The following ABCA13 variants were observed in gnomAD, a reference collection of about 807,000 sequenced individuals.
The protein encoded by ABCA13 is ATP binding cassette subfamily A member 13.
A neutral mutation model predicts 478.7 loss-of-function variants in ABCA13; 476 were observed. The ratio of observed to expected loss-of-function variants is 0.99; its 90% CI spans 0.92 to 1.07. The LOEUF is 1.07. Among genes scored for constraint, ABCA13 ranks in the 50% least tolerant of loss-of-function variants. ABCA13 has a pLI of 0.00. For synonymous variants in ABCA13, 2,252 were observed against 2,158.9 expected (o/e 1.04, Z -1.20); for missense variants, 6,060 against 5,910.6 (o/e 1.03, Z -0.83).
chr7:48,487,314 A>AAAC (rs1829409220), intron 47 of ABCA13, among the ~76,000 whole-genome samples: 3 of 128,202 alleles, frequency 2.3e-5, no homozygotes, highest in Admixed American at 7.5e-5. Flanking sequence ...GTCTCAAAAA[A>AAAC]AAAACAAAAC....
chr7:48,320,092 G>T (rs1035467352), intron 27 of ABCA13, among the ~76,000 whole-genome samples: 1 of 152,152 alleles, frequency 6.6e-6, no homozygotes, highest in African/African-American at 2.4e-5. Context: ...TCTAGAGAGT[G>T]TTAAAAGGTA....
chr7:48,382,112 T>C (rs1320084985), intron 35 of ABCA13, among the ~76,000 whole-genome samples: 1 of 152,230 alleles, frequency 6.6e-6, no homozygotes, highest in Non-Finnish European at 1.5e-5. Flanking sequence ...CGTTTGTTTC[T>C]ACTTCCCATC....
rs780039078 is a variant in ABCA13, at chr7:48,387,935, T to C, written c.11449T>C (p.Phe3817Leu). The C allele has an allele frequency of 6.2e-7, 1 of 1,611,828 alleles. No homozygotes were observed. Among genetic ancestry groups the C allele is most frequent in the Non-Finnish European group, 8.5e-7 (1 of 1,179,128 alleles). The change falls in exon 36 of 62, where the codon TTC becomes CTC. Residue 3817 changes from phenylalanine to leucine, a missense_variant. Transcript: ENST00000435803. ...CTTTCTAAGTTCTAGTCTGTTCTTC[T>C]TCAATGAGAACTTTGACAATAAAGG... ...QYFLSSSLFF[F>L]NENFDNKGSS...
intron 7 of ABCA13, among the ~76,000 whole-genome samples, chr7:48,233,033 A>G (rs537448782): frequency 3.3e-5 from 5 of 152,348 alleles, no homozygotes; most frequent in African/African-American, 1.2e-4. Flanking sequence ...TCAGACACCA[A>G]TCTTTTTTCC....
chr7:48,630,919 A>AT (rs1302534969), intron 59 of ABCA13, among the ~76,000 whole-genome samples: 1 of 149,598 alleles, frequency 6.7e-6, no homozygotes, highest in Non-Finnish European at 1.5e-5. Context: ...GATGATGAGT[A>AT]TTTTTTTCAT....
intron 55 of ABCA13, among the ~76,000 whole-genome samples, chr7:48,550,761 A>G (rs1318141626): frequency 6.6e-6 from 1 of 151,098 alleles, no homozygotes; most frequent in African/African-American, 2.4e-5. Context: ...CCATCCGTCC[A>G]TCCATCCATC....
At chr7:48,309,502 T>G (rs1417712830) in intron 23 of ABCA13, among the ~76,000 whole-genome samples, 1 of 151,950 alleles carries the variant, frequency 6.6e-6, no homozygotes, top group East Asian at 1.9e-4. Context: ...AATCTAAAAA[T>G]GAAGGAGCAA....
chr7:48,586,782 G>T (rs1461785891), intron 56 of ABCA13, among the ~76,000 whole-genome samples: 1 of 152,020 alleles, frequency 6.6e-6, no homozygotes. Context: ...TTTTGACACC[G>T]CTATTAGTTT....
intron 2 of ABCA13, among the ~76,000 whole-genome samples, chr7:48,195,191 C>T (rs1797768453): frequency 6.6e-6 from 1 of 152,120 alleles, no homozygotes; most frequent in Non-Finnish European, 1.5e-5. Context: ...AAGTAGTAAG[C>T]AGGGTCAAAT....
At chr7:48,214,979 A>G (rs150397926) in intron 3 of ABCA13, among the ~76,000 whole-genome samples, 41 of 152,328 alleles carry the variant, frequency 2.7e-4, no homozygotes, top group African/African-American at 9.1e-4. Flanking sequence ...CTTTCAGCCC[A>G]TCTCAGCTTT....
At chr7:48,463,368 G>T (rs1826481211) in intron 43 of ABCA13, among the ~76,000 whole-genome samples, 1 of 152,128 alleles carries the variant, frequency 6.6e-6, no homozygotes, top group African/African-American at 2.4e-5. Context: ...CAGGGAGGTG[G>T]GGACCTTTGC....
intron 23 of ABCA13, among the ~76,000 whole-genome samples, chr7:48,304,410 C>A (rs528442995): frequency 2.6e-5 from 4 of 152,336 alleles, no homozygotes; most frequent in Non-Finnish European, 5.9e-5. Flanking sequence ...CTGCTTTCTG[C>A]AGTGGCTGAA....
chr7:48,558,745 T>C (rs535053275), intron 55 of ABCA13, among the ~76,000 whole-genome samples: 1 of 152,382 alleles, frequency 6.6e-6, no homozygotes, highest in South Asian at 2.1e-4. Context: ...TATTTTGAAT[T>C]ATCTATGTGA....
rs1164702812 is a variant in ABCA13, at chr7:48,338,379, C to T, written c.10128C>T (p.Asn3376=). The T allele has an allele frequency of 2.3e-5, 36 of 1,595,694 alleles. No homozygotes were observed. The highest frequency in any genetic ancestry group is 3.0e-5 in the Non-Finnish European group (35 of 1,170,968). ...TTTTTCTTTAGGAGGCCCTGAGAAA[C>T]AAATTTGTAAGAAACTTTGTAGAAA... ...MFNQLQEALR[N]KFVRNFVENQ... The change falls in exon 29 of 62, where the codon AAC becomes AAT. Residue 3376 remains asparagine, a synonymous_variant. Coordinates refer to ENST00000435803, the MANE Select transcript of ABCA13 (RefSeq NM_152701.5).
Position 48,387,965 on chromosome 7 carries a change from T to TA in ABCA13, c.11473+8dup. 1 of 1,597,266 alleles carries TA rather than the reference T, an allele frequency of 6.3e-7. No homozygotes were observed. The highest frequency in any genetic ancestry group is 8.5e-7 in the Non-Finnish European group (1 of 1,175,828). ...TGAGAACTTTGACAATAAAGGTTTG[T>TA]AAGGAGTAGAATTATTAGATGCATG... On this transcript the variant is annotated splice_region_variant and intron_variant, in intron 36 of 61. Transcript: ENST00000435803.
At chr7:48,317,004 T>G (rs1275549188) in intron 26 of ABCA13, among the ~76,000 whole-genome samples, 153 bp from the exon 27 acceptor site, 2 of 152,126 alleles carry the variant, frequency 1.3e-5, no homozygotes, top group East Asian at 3.9e-4. Context: ...GGACAGATAT[T>G]CAAACTATAG....
intron 59 of ABCA13, among the ~76,000 whole-genome samples, chr7:48,623,090 A>G (rs1438659931): frequency 6.6e-6 from 1 of 152,162 alleles, no homozygotes; most frequent in Non-Finnish European, 1.5e-5. Flanking sequence ...TTCCTGCTGG[A>G]GCACTTCCCA....
At chr7:48,226,163 C>T (rs75979604) in intron 5 of ABCA13, among the ~76,000 whole-genome samples, 5,801 of 152,072 alleles carry the variant, frequency 0.038, 201 homozygotes, top group Admixed American at 0.11. Flanking sequence ...AGATTTTGAC[C>T]AGAGAAATGG....
At chr7:48,368,303 T>A (rs1812010653) in intron 32 of ABCA13, among the ~76,000 whole-genome samples, 2 of 152,106 alleles carry the variant, frequency 1.3e-5, no homozygotes. Context: ...GAAACTATCA[T>A]AACTTAAATT....
Sources: gnomAD v4.1 joint callset for allele counts (sites outside exome capture counted in the v4.1 genomes callset) on GRCh38, gnomAD v4.1.1 for gene constraint, MANE v1.5 for transcripts, NCBI Gene and HGNC (gene_info 2026-07-23, HGNC 2026-07-21) for gene names.